The following CMSS1 variants were observed in gnomAD, a reference collection of about 807,000 sequenced individuals.
CMSS1 encodes cms1 ribosomal small subunit homolog.
In CMSS1, 33 loss-of-function variants were observed where a neutral mutation model predicts 43.5. That is an observed-to-expected ratio of 0.76 (90% confidence interval 0.57 to 1.01). CMSS1 has a LOEUF of 1.01. Ranked by LOEUF, CMSS1 falls within the 50% of genes least tolerant of loss-of-function variation. The pLI is 0.00. For missense variants in CMSS1, 313 were observed against 326.4 expected (o/e 0.96, Z 0.32); for synonymous variants, 115 against 117.2 (o/e 0.98, Z 0.12).
At position 100,066,517 on chromosome 3, in the gene CMSS1, CTTTTTTTTTTTTTTT is replaced by C. The variant is rs545356638; in HGVS notation, c.65-80438_65-80424del. On this transcript the variant is annotated intron_variant, in intron 1 of 9. Coordinates refer to ENST00000421999, the MANE Select transcript of CMSS1 (RefSeq NM_032359.4). Reference sequence around the variant, plus strand: ...AAGGATGATGTGGAAGGCTTTGCTTCTTTTTTTTTTTTTTTTTTTTTTTTTTTTTTTTGAGACGGA... The same window carrying C: ...AAGGATGATGTGGAAGGCTTTGCTTCTTTTTTTTTTTTTTTTTGAGACGGA... Among the ~76,000 whole-genome samples the C allele has an allele frequency of 9.4e-4, 36 of 38,326 alleles. 1 individual carries two copies. Among genetic ancestry groups the C allele is most frequent in the Non-Finnish European group, 1.4e-3 (31 of 22,676 alleles). 25.1% of individuals were successfully genotyped at this position (38,326 alleles called of 152,430 possible). A position where few individuals can be genotyped will look rare whatever the true frequency, so the allele number is the denominator to read the frequency against.
chr3:99,956,520 T>TGATG (rs1708323930), intron 1 of CMSS1, among the ~76,000 whole-genome samples: 2 of 152,204 alleles, frequency 1.3e-5, no homozygotes, highest in South Asian at 4.1e-4. Flanking sequence ...ACTCGGCTAA[T>TGATG]GATGAGATTA....
intron 3 of CMSS1, 72 bp from the exon 4 acceptor site, chr3:100,162,231 G>A (rs1170949997): frequency 3.7e-6 from 5 of 1,351,590 alleles, no homozygotes; most frequent in Non-Finnish European, 4.1e-6. Context: ...AAATGCCAGA[G>A]GAACTAACCT....
At chr3:100,168,870 T>C (rs1036872734) in intron 6 of CMSS1, among the ~76,000 whole-genome samples, 1 of 150,286 alleles carries the variant, frequency 6.7e-6, no homozygotes, top group East Asian at 1.9e-4. Context: ...AAATTATATA[T>C]ATATATATAT....
intron 4 of CMSS1, among the ~76,000 whole-genome samples, chr3:100,165,162 G>A (rs1385037547): frequency 6.6e-6 from 1 of 152,082 alleles, no homozygotes; most frequent in African/African-American, 2.4e-5. Flanking sequence ...AGTTCTCCAG[G>A]TGAGTCTGAT....
chr3:99,830,223 G>T (rs1166364424), intron 1 of CMSS1: 4 of 308,496 alleles, frequency 1.3e-5, no homozygotes, highest in African/African-American at 8.6e-5. Context: ...GCGAGTGTTT[G>T]TGTGTGCATA....
chr3:99,995,869 G>A (rs1280141672), intron 1 of CMSS1, among the ~76,000 whole-genome samples: 2 of 152,322 alleles, frequency 1.3e-5, no homozygotes, highest in East Asian at 3.9e-4. Context: ...ACAGCATGGG[G>A]ATCCTGGGCC....
chr3:99,888,543 G>A lies in CMSS1; in HGVS notation c.64+70500G>A, dbSNP rs188031738. 2.6e-3 allele frequency among the ~76,000 whole-genome samples: 400 copies of A among 152,264 alleles called. 1 individual carries two copies. The highest frequency in any genetic ancestry group is 4.1e-3 in the Non-Finnish European group (277 of 68,020). On this transcript the variant is annotated intron_variant, in intron 1 of 9. Transcript: ENST00000421999. ...CCCCTGAATATTAATGAGTTGGTTCGTTGGTTGGTTTTGTAGAGGTGCCTG... is the reference window on the plus strand; with the variant it reads ...CCCCTGAATATTAATGAGTTGGTTCATTGGTTGGTTTTGTAGAGGTGCCTG...
At chr3:99,971,779 C>G (rs1708829957) in intron 1 of CMSS1, among the ~76,000 whole-genome samples, 2 of 152,184 alleles carry the variant, frequency 1.3e-5, no homozygotes, top group South Asian at 4.1e-4. Context: ...CCTGCAACAC[C>G]ATTCCCATAA....
chr3:100,015,280 G>A (rs985489355), intron 1 of CMSS1, among the ~76,000 whole-genome samples: 29 of 152,160 alleles, frequency 1.9e-4, no homozygotes, highest in African/African-American at 6.0e-4. Context: ...GTACCATGCT[G>A]TTTTGATTAC....
chr3:100,070,923 G>A (rs891153992), intron 1 of CMSS1, among the ~76,000 whole-genome samples: 7 of 152,096 alleles, frequency 4.6e-5, no homozygotes, highest in Admixed American at 3.9e-4. Flanking sequence ...GAGTCACCGC[G>A]CCTGGCCTGT....
intron 1 of CMSS1, among the ~76,000 whole-genome samples, chr3:100,038,248 G>A (rs767424550): frequency 1.4e-4 from 22 of 152,058 alleles, no homozygotes; most frequent in African/African-American, 9.7e-5. Flanking sequence ...GAGCCACCAC[G>A]CCCGGCCTCT....
At chr3:100,073,960 G>A (rs1180252847) in intron 1 of CMSS1, among the ~76,000 whole-genome samples, 1 of 152,036 alleles carries the variant, frequency 6.6e-6, no homozygotes, top group African/African-American at 2.4e-5. Flanking sequence ...CTTTCGGTGT[G>A]GCCATTTTGC....
intron 1 of CMSS1, among the ~76,000 whole-genome samples, chr3:99,950,397 T>C (rs990574019): frequency 6.6e-6 from 1 of 152,156 alleles, no homozygotes; most frequent in Non-Finnish European, 1.5e-5. Flanking sequence ...AATCAGAACT[T>C]AGAAAAGTTA....
At chr3:100,094,500 C>T (rs577702082) in intron 1 of CMSS1, among the ~76,000 whole-genome samples, 1 of 151,794 alleles carries the variant, frequency 6.6e-6, no homozygotes, top group Non-Finnish European at 1.5e-5. Flanking sequence ...AACTCTTTGT[C>T]TAGACAGAGA....
chr3:100,030,112 C>T (rs1471453855), intron 1 of CMSS1, among the ~76,000 whole-genome samples: 4 of 152,136 alleles, frequency 2.6e-5, no homozygotes, highest in South Asian at 2.1e-4. Context: ...GGAGACCCAA[C>T]GAGCACCAAA....
intron 1 of CMSS1, among the ~76,000 whole-genome samples, chr3:99,961,817 C>T (rs1158436359): frequency 2.0e-5 from 3 of 152,106 alleles, no homozygotes; most frequent in Non-Finnish European, 2.9e-5. Flanking sequence ...TTAGGTCTGC[C>T]AACCTATTTT....
chr3:100,019,212 A>C (rs568817727), intron 1 of CMSS1, among the ~76,000 whole-genome samples: 1 of 152,292 alleles, frequency 6.6e-6, no homozygotes, highest in South Asian at 2.1e-4. Flanking sequence ...CAAAGCAAAA[A>C]GTAGCCTGGT....
At chr3:99,928,534 T>G (rs1162355899) in intron 1 of CMSS1, among the ~76,000 whole-genome samples, 4 of 152,204 alleles carry the variant, frequency 2.6e-5, no homozygotes, top group African/African-American at 4.8e-5. Context: ...GAGTTAAGAC[T>G]GCAAGCATTT....
At chr3:100,081,985 A>G (rs775209908) in intron 1 of CMSS1, among the ~76,000 whole-genome samples, 5 of 152,192 alleles carry the variant, frequency 3.3e-5, no homozygotes, top group Non-Finnish European at 5.9e-5. Flanking sequence ...GGTATGGCAT[A>G]TTTAGACTTT....
Sources: allele counts gnomAD v4.1 joint callset (sites outside exome capture counted in the v4.1 genomes callset), GRCh38; gene constraint gnomAD v4.1.1; transcripts MANE v1.5; gene names NCBI Gene and HGNC (gene_info 2026-07-23, HGNC 2026-07-21).